The following NUDCD1 variants were observed in gnomAD, a reference collection of about 807,000 sequenced individuals.
NUDCD1 encodes nudC domain-containing protein 1.
NUDCD1 carries 60 observed loss-of-function variants against 67.8 expected under a neutral mutation model. The observed-to-expected ratio is 0.88, with a 90% CI of 0.72 to 1.10. The LOEUF (loss-of-function observed/expected upper bound fraction) is 1.10. NUDCD1 is among the 50% of genes least tolerant of loss of function. The pLI is 0.00. For missense variants in NUDCD1, 643 were observed against 695.0 expected (o/e 0.93, Z 0.84); for synonymous variants, 244 against 230.8 (o/e 1.06, Z -0.52).
At chr8:109,250,957 G>T (rs1011870587) in intron 8 of NUDCD1, among the ~76,000 whole-genome samples, 3 of 151,878 alleles carry the variant, frequency 2.0e-5, no homozygotes, top group Non-Finnish European at 4.4e-5. Flanking sequence ...AATGTCTTTG[G>T]TATCAGGGTA....
At chr8:109,270,072 G>T (rs1216904092) in intron 8 of NUDCD1, among the ~76,000 whole-genome samples, 2 of 76,042 alleles carry the variant, frequency 2.6e-5, no homozygotes, top group Non-Finnish European at 5.4e-5. Context: ...GGGGGCGGGG[G>T]GGGGGGGGGG....
At position 109,271,029 on chromosome 8, in the gene NUDCD1, G is replaced by A. The variant is rs1245886352; in HGVS notation, c.1275C>T (p.Gly425=). ...EESSSLCRFD[G]NTLKTTHVVN... is the part of the protein sequence containing the mutation. ...CCACATGAGTAGTTTTTAATGTATT[G>A]CCATCAAATCTGCATAAACTGGAGC... The change falls in exon 8 of 10, where the codon GGC becomes GGT. Residue 425 remains glycine (G), a synonymous_variant. Transcript: ENST00000239690. 1 of 1,591,030 alleles carries A rather than the reference G, an allele frequency of 6.3e-7. No homozygotes were observed. The highest frequency in any genetic ancestry group is 1.1e-5 in the South Asian group (1 of 88,248).
intron 5 of NUDCD1, among the ~76,000 whole-genome samples, 166 bp downstream of exon 5, chr8:109,289,585 A>G (rs547152019): frequency 2.6e-5 from 4 of 152,298 alleles, no homozygotes; most frequent in African/African-American, 9.6e-5. Flanking sequence ...TCACACTATT[A>G]AGGTGGTATA....
intron 8 of NUDCD1, among the ~76,000 whole-genome samples, chr8:109,269,466 G>A (rs1374935397): frequency 6.6e-6 from 1 of 152,172 alleles, no homozygotes; most frequent in East Asian, 1.9e-4. Context: ...GGGATAGCGA[G>A]TGAGAAGAAC....
At chr8:109,244,956 T>A (rs1208869780) in intron 9 of NUDCD1, among the ~76,000 whole-genome samples, 1 of 152,212 alleles carries the variant, frequency 6.6e-6, no homozygotes, top group African/African-American at 2.4e-5. Context: ...TTCTGAAGAT[T>A]ACTCTGAAGA....
intron 7 of NUDCD1, among the ~76,000 whole-genome samples, chr8:109,274,260 T>C (rs969783453): frequency 6.6e-5 from 10 of 152,300 alleles, no homozygotes; most frequent in African/African-American, 9.6e-5. Context: ...GCAGATGAGA[T>C]TGTATATTTG....
chr8:109,308,104 T>A (rs1361328523), intron 2 of NUDCD1, among the ~76,000 whole-genome samples: 1 of 152,226 alleles, frequency 6.6e-6, no homozygotes, highest in East Asian at 1.9e-4. Context: ...GGATTTAAAC[T>A]ATACCCTGGA....
chr8:109,304,019 A>G (rs568255835), intron 2 of NUDCD1, among the ~76,000 whole-genome samples: 186 of 152,060 alleles, frequency 1.2e-3, no homozygotes, highest in Middle Eastern at 6.8e-3. Flanking sequence ...TCCACAACCC[A>G]TTATTCTGTT....
chr8:109,288,006 AGAT>A (rs779126142), intron 5 of NUDCD1, among the ~76,000 whole-genome samples: 1 of 152,220 alleles, frequency 6.6e-6, no homozygotes, highest in South Asian at 2.1e-4. Context: ...AATAGCCAAT[AGAT>A]AATACCAGTC....
chr8:109,299,892 A>T (rs891779782), intron 2 of NUDCD1, among the ~76,000 whole-genome samples: 12 of 152,314 alleles, frequency 7.9e-5, no homozygotes, highest in African/African-American at 2.9e-4. Context: ...GCTGGTATCC[A>T]TGGCTGAGAG....
chr8:109,270,093 T>TG (rs1563665969), intron 8 of NUDCD1, among the ~76,000 whole-genome samples: 4 of 6,546 alleles, frequency 6.1e-4, no homozygotes, highest in East Asian at 3.8e-3. Flanking sequence ...TGCCTTAAGG[T>TG]GGGGTGTGAA....
intron 4 of NUDCD1, among the ~76,000 whole-genome samples, chr8:109,292,425 TTAGA>T (rs1174310024): frequency 1.1e-5 from 1 of 88,398 alleles, no homozygotes; most frequent in Non-Finnish European, 2.1e-5. Context: ...GAGATATCTA[TTAGA>T]TAGACAGATA....
chr8:109,303,766 C>T (rs1815043071), intron 2 of NUDCD1, among the ~76,000 whole-genome samples: 2 of 152,082 alleles, frequency 1.3e-5, no homozygotes, highest in Non-Finnish European at 2.9e-5. Context: ...CCATTAAAAC[C>T]TAATCACCCT....
At position 109,289,915 on chromosome 8, in the gene NUDCD1, A is replaced by G; in HGVS notation, c.659T>C (p.Ile220Thr). Residue 220 changes from isoleucine to threonine, a missense_variant, in exon 5 of 10, where the codon ATT becomes ACT. Transcript: ENST00000239690. ...KKNQDNKKYE[I>T]IKRDILRGKS... ...TCCACGGAGAATATCACGCTTAATA[A>G]TTTCATATTTTTTATTATCTGTAAG... 1 of 1,492,932 alleles carries G rather than the reference A, an allele frequency of 6.7e-7. No homozygotes were observed. The highest frequency in any genetic ancestry group is 8.9e-7 in the Non-Finnish European group (1 of 1,119,534). The allele number at this position is 1,492,932 out of a possible 1,614,324, so 92.5% of individuals were successfully genotyped here.
At chr8:109,316,797 C>A (rs567497751) in intron 2 of NUDCD1, among the ~76,000 whole-genome samples, 1 of 152,320 alleles carries the variant, frequency 6.6e-6, no homozygotes, top group East Asian at 1.9e-4. Flanking sequence ...GGTTCCCAGT[C>A]CATGACCAAC....
At position 109,243,210 on chromosome 8, in the gene NUDCD1, T is replaced by C. The variant is rs1329096125; in HGVS notation, c.1551A>G (p.Val517=). 6.2e-7 allele frequency: 1 copy of C among 1,613,754 alleles called. No homozygotes were observed. Among genetic ancestry groups the C allele is most frequent in the South Asian group, 1.1e-5 (1 of 91,048 alleles). Residue 517 remains valine, a synonymous_variant, in exon 10 of 10, where the codon GTA becomes GTG. Transcript: ENST00000239690. ...YAALCECLRR[V]FIYRQPAPMS... is the part of the protein sequence containing the mutation. ...TGGGAGCAGGCTGACGATAGATGAATACTCGACGAAGGCACTCACAAAGGG... is the reference window on the plus strand; with the variant it reads ...TGGGAGCAGGCTGACGATAGATGAACACTCGACGAAGGCACTCACAAAGGG...
intron 8 of NUDCD1, among the ~76,000 whole-genome samples, chr8:109,264,563 A>G (rs1813949310): frequency 6.6e-6 from 1 of 152,182 alleles, no homozygotes; most frequent in African/African-American, 2.4e-5. Context: ...TCAAAAACCA[A>G]CTGATTTTAA....
intron 2 of NUDCD1, among the ~76,000 whole-genome samples, chr8:109,308,678 A>T (rs1815166913): frequency 6.6e-6 from 1 of 152,138 alleles, no homozygotes; most frequent in South Asian, 2.1e-4. Flanking sequence ...ATAAAAAAAA[A>T]GTCCAGGACC....
intron 8 of NUDCD1, among the ~76,000 whole-genome samples, chr8:109,262,027 A>C (rs1813873533): frequency 6.6e-6 from 1 of 152,188 alleles, no homozygotes. Flanking sequence ...ACAAAAAAAA[A>C]CGTCTTTCAG....
Sources: allele counts gnomAD v4.1 joint callset (sites outside exome capture counted in the v4.1 genomes callset), GRCh38; gene constraint gnomAD v4.1.1; transcripts MANE v1.5; gene names NCBI Gene and HGNC (gene_info 2026-07-23, HGNC 2026-07-21).